The following SIN3A variants were observed in gnomAD, a reference collection of about 807,000 sequenced individuals.
The protein encoded by SIN3A is SIN3 transcription regulator family member A.
SIN3A carries 14 observed loss-of-function variants against 146.1 expected under a neutral mutation model. The observed-to-expected ratio is 0.10, with a 90% CI of 0.06 to 0.15. The LOEUF is 0.15. Among genes scored for constraint, SIN3A ranks in the 10% least tolerant of loss-of-function variants. SIN3A has a pLI of 1.00. For synonymous variants in SIN3A, 572 were observed against 572.0 expected (o/e 1.00, Z 0.00); for missense variants, 1,028 against 1,576.0 (o/e 0.65, Z 5.89).
chr15:75,454,728 A>C (rs1327361483), upstream of SIN3A, among the ~76,000 whole-genome samples: 1 of 150,478 alleles, frequency 6.6e-6, no homozygotes, highest in Non-Finnish European at 1.5e-5. Context: ...CCGCAGCAGC[A>C]CCTCGCGGGA....
chr15:75,437,313 AG>A (rs2074124924), intron 1 of SIN3A, among the ~76,000 whole-genome samples: 1 of 151,918 alleles, frequency 6.6e-6, no homozygotes, highest in Admixed American at 6.6e-5. Flanking sequence ...GCTGGGACAT[AG>A]GCAGCGCCAC....
chr15:75,424,647 G>A (rs929366176), intron 2 of SIN3A, among the ~76,000 whole-genome samples: 3 of 151,960 alleles, frequency 2.0e-5, no homozygotes, highest in Admixed American at 1.3e-4. Flanking sequence ...GTTAATTGTC[G>A]TACTTTTTGT....
At chr15:75,421,548 C>A (rs182757414) in intron 3 of SIN3A, 1 of 152,140 alleles carries the variant, frequency 6.6e-6, no homozygotes, top group Non-Finnish European at 1.5e-5. Flanking sequence ...TCCACACCAA[C>A]GAGGGCAGGG....
chr15:75,415,956 C>T (rs1385841315), intron 3 of SIN3A: 2 of 328,582 alleles, frequency 6.1e-6, no homozygotes, highest in Non-Finnish European at 1.2e-5. Flanking sequence ...AATAACCTTG[C>T]AGGAAATGGA....
intron 2 of SIN3A, among the ~76,000 whole-genome samples, chr15:75,425,325 C>T (rs554320511): frequency 2.5e-4 from 38 of 152,324 alleles, no homozygotes; most frequent in Non-Finnish European, 4.1e-4. Context: ...TGCCTGCCAC[C>T]ATGCCCAGCT....
rs2073161708 is a variant in SIN3A, at chr15:75,389,752, A to G, written c.2921T>C (p.Ile974Thr). The change falls in exon 16 of 21, where the codon ATA becomes ACA. Residue 974 changes from isoleucine to threonine, a missense_variant. By Grantham distance (89) the Ile-to-Thr change is moderately conservative. Around this residue, in one of 9 missense-constraint regions of SIN3A, gnomAD observed 488 missense variants for 690.2 expected, o/e 0.71. Coordinates refer to ENST00000394947, the MANE Select transcript of SIN3A (RefSeq NM_001145358.2). ...TGAATCTTCATACTGTGATGAGTCT[A>G]TGTTGCCATCCAGCAGGCTCCGCAC... ...DMVRSLLDGNIDSSQYEDSLR... is the reference protein window; with the variant it reads ...DMVRSLLDGNTDSSQYEDSLR... 8.7e-6 allele frequency: 14 copies of G among 1,614,000 alleles called. No individual in the cohort carries two copies. The highest frequency in any genetic ancestry group is 1.2e-5 in the Non-Finnish European group (14 of 1,179,998).
rs111639964 is a variant in SIN3A at position 75,369,752 on chromosome 15, A to G, written c.*2227T>C. 6.6e-6 allele frequency: 1 copy of G among 152,202 alleles called. No homozygotes were observed. The highest frequency in any genetic ancestry group is 1.5e-5 in the Non-Finnish European group (1 of 68,052). 9.4% of individuals were successfully genotyped at this position (152,202 alleles called of 1,614,324 possible). ...TGATCACACCCCACCAATTTCCCCT[A>G]TGGTTCCAGGTCAACATGACCTTTC... On this transcript the variant is annotated 3_prime_UTR_variant, in exon 21 of 21. Transcript: ENST00000394947.
chr15:75,401,534 C>CA (rs998204721), intron 10 of SIN3A, among the ~76,000 whole-genome samples: 40 of 146,902 alleles, frequency 2.7e-4, no homozygotes, highest in South Asian at 1.1e-3. Flanking sequence ...GACTTCATCT[C>CA]AAAAAAAAAA....
Position 75,396,494 on chromosome 15 carries a change from A to C in SIN3A, c.1857T>G (p.Leu619=), listed in dbSNP as rs764470420. 1 of 1,608,008 alleles carries C rather than the reference A, an allele frequency of 6.2e-7. No homozygotes were observed. The highest frequency in any genetic ancestry group is 2.2e-5 in the East Asian group (1 of 44,814). Residue 619 remains leucine (L), a splice_region_variant and synonymous_variant, in exon 13 of 21, where the codon CTT becomes CTG. Coordinates refer to ENST00000394947, the MANE Select transcript of SIN3A (RefSeq NM_001145358.2). ...IYRCEDERFE[L]DVVLETNLAT... ...CCAGATTGGTCTCTAAAACTACATCAAGCTGAAGAGGAAGACAAAGAAGGG... is the reference window on the plus strand; with the variant it reads ...CCAGATTGGTCTCTAAAACTACATCCAGCTGAAGAGGAAGACAAAGAAGGG...
At chr15:75,381,564 C>A in intron 18 of SIN3A, 49 bp downstream of exon 18, 1 of 1,413,674 alleles carries the variant, frequency 7.1e-7, no homozygotes, top group Non-Finnish European at 1.0e-6. Context: ...ACTCTCAAGG[C>A]ACGCCAGCTC....
At chr15:75,381,767 CAAGGA>C in intron 17 of SIN3A, 62 bp from the exon 18 acceptor site, 1 of 1,365,966 alleles carries the variant, frequency 7.3e-7, no homozygotes, top group Non-Finnish European at 1.0e-6. Flanking sequence ...TCTATCTTCT[CAAGGA>C]ATGAGAGGTG....
Position 75,371,737 on chromosome 15 carries a change from G to A in SIN3A, c.*242C>T. 3 of 504,152 alleles carry A rather than the reference G, an allele frequency of 6.0e-6. No homozygotes were observed. The highest frequency in any genetic ancestry group is 1.1e-5 in the Non-Finnish European group (3 of 284,436). 31.2% of individuals were successfully genotyped at this position (504,152 alleles called of 1,614,324 possible). The stretch of plus-strand genomic sequence containing the variant: ...TGCATGGACTTCCTTCCCCTCCAGG[G>A]CAGGCTATACCCAAAACCCTTTGGG... On this transcript the variant is annotated 3_prime_UTR_variant, in exon 21 of 21. Transcript: ENST00000394947.
chr15:75,410,920 A>C (rs916030515), intron 6 of SIN3A, among the ~76,000 whole-genome samples: 1 of 150,098 alleles, frequency 6.7e-6, no homozygotes, highest in Non-Finnish European at 1.5e-5. Flanking sequence ...GGCTGCAGTG[A>C]GCCGACACTG....
At chr15:75,437,797 A>G (rs2074132253) in intron 1 of SIN3A, among the ~76,000 whole-genome samples, 1 of 151,680 alleles carries the variant, frequency 6.6e-6, no homozygotes, top group East Asian at 1.9e-4. Context: ...TTATAAAAAG[A>G]AAAAAAAAGC....
intron 19 of SIN3A, chr15:75,376,189 G>A: frequency 2.6e-6 from 1 of 387,890 alleles, no homozygotes; most frequent in Non-Finnish European, 4.7e-6. Context: ...TTTGGGATTT[G>A]TTTTTAAGAC....
intron 2 of SIN3A, among the ~76,000 whole-genome samples, chr15:75,423,839 C>CA (rs879298717): frequency 4.0e-4 from 60 of 150,536 alleles, no homozygotes; most frequent in Middle Eastern, 3.6e-3. Flanking sequence ...CTGAAAATAC[C>CA]AAAAAAAATA....
At chr15:75,385,888 C>T (rs934592350) in intron 16 of SIN3A, among the ~76,000 whole-genome samples, 1 of 152,076 alleles carries the variant, frequency 6.6e-6, no homozygotes, top group African/African-American at 2.4e-5. Flanking sequence ...GATTCTGATA[C>T]AACCATTAAA....
At position 75,371,890 on chromosome 15, in the gene SIN3A, G is replaced by T; in HGVS notation, c.*89C>A. The stretch of plus-strand genomic sequence containing the variant: ...AGAGAGGCCCAGTGAGGCTTGAAAG[G>T]CATCTTCCTTGTTTCTTCAGTGTGT... On this transcript the variant is annotated 3_prime_UTR_variant, in exon 21 of 21. Transcript: ENST00000394947. The T allele has an allele frequency of 8.3e-7, 1 of 1,204,582 alleles. No individual in the cohort carries two copies. Among genetic ancestry groups the T allele is most frequent in the Non-Finnish European group, 1.2e-6 (1 of 832,542 alleles). The allele number at this position is 1,204,582 out of a possible 1,614,324, so 74.6% of individuals were successfully genotyped here. A position where few individuals can be genotyped will look rare whatever the true frequency, so the allele number is the denominator to read the frequency against.
At chr15:75,411,869 T>C in intron 5 of SIN3A, 126 bp from the exon 6 acceptor site, 1 of 966,234 alleles carries the variant, frequency 1.0e-6, no homozygotes, top group Non-Finnish European at 1.5e-6. Context: ...CCAGGTCATT[T>C]TAGTCCAACA....
Sources: allele counts gnomAD v4.1 joint callset (sites outside exome capture counted in the v4.1 genomes callset), GRCh38; gene constraint gnomAD v4.1.1; regional missense constraint gnomAD v4.1.1; transcripts MANE v1.5; gene names NCBI Gene and HGNC (gene_info 2026-07-23, HGNC 2026-07-21).